SRGAP1: variants seen among roughly 807,000 people sequenced by gnomAD.
SRGAP1 encodes the protein SLIT-ROBO Rho GTPase activating protein 1, also known as SLIT-ROBO Rho GTPase-activating protein 1.
SRGAP1 carries 43 observed loss-of-function variants against 121.9 expected under a neutral mutation model. The ratio of observed to expected loss-of-function variants is 0.35; its 90% CI spans 0.28 to 0.46. The LOEUF (loss-of-function observed/expected upper bound fraction) is 0.46. SRGAP1 is among the 20% of genes least tolerant of loss of function. The pLI, the probability that SRGAP1 is intolerant of heterozygous loss-of-function variation, is 1.00. For synonymous variants in SRGAP1, 447 were observed against 485.4 expected, an observed-to-expected ratio of 0.92 and a Z score of 1.04; for missense variants, 1,102 against 1,350.9, an observed-to-expected ratio of 0.82 and a Z score of 2.89.
At chr12:63,866,520 G>A (rs1313012296) in intron 1 of SRGAP1, among the ~76,000 whole-genome samples, 2 of 152,244 alleles carry the variant, frequency 1.3e-5, no homozygotes. Context: ...TTAAAATGAT[G>A]TATAACATAA....
chr12:64,029,002 C>T (rs2136484116), intron 4 of SRGAP1, among the ~76,000 whole-genome samples: 1 of 152,254 alleles, frequency 6.6e-6, no homozygotes, highest in East Asian at 1.9e-4. Context: ...AGGTAATACT[C>T]TTATTCCCAG....
chr12:63,925,161 G>T (rs1348407000), intron 1 of SRGAP1, among the ~76,000 whole-genome samples: 1 of 152,136 alleles, frequency 6.6e-6, no homozygotes, highest in Non-Finnish European at 1.5e-5. Context: ...TGAAGAAGTG[G>T]CCTGCCTTCT....
intron 3 of SRGAP1, among the ~76,000 whole-genome samples, chr12:64,012,379 TAGA>T (rs1322525644): frequency 6.6e-6 from 1 of 152,026 alleles, no homozygotes; most frequent in Non-Finnish European, 1.5e-5. Flanking sequence ...ATTAGAATAT[TAGA>T]AGTTTTACCA....
chr12:64,141,288 AAAG>A (rs1366092735), intron 21 of SRGAP1, among the ~76,000 whole-genome samples: 3 of 29,932 alleles, frequency 1.0e-4, no homozygotes, highest in African/African-American at 4.7e-4. Flanking sequence ...AAAAAAAAAA[AAAG>A]AAAAACTTGG....
chr12:64,023,256 T>C (rs1176917922), intron 4 of SRGAP1, among the ~76,000 whole-genome samples: 1 of 146,984 alleles, frequency 6.8e-6, no homozygotes, highest in Non-Finnish European at 1.5e-5. Context: ...GAAACTACGT[T>C]GATAGTAAAT....
At chr12:63,886,107 C>G (rs1329857981) in intron 1 of SRGAP1, among the ~76,000 whole-genome samples, 8 of 152,308 alleles carry the variant, frequency 5.3e-5, no homozygotes, top group African/African-American at 1.9e-4. Flanking sequence ...GCTGCCCAGG[C>G]TGGAGTGCAG....
At chr12:63,897,295 G>T (rs899577256) in intron 1 of SRGAP1, among the ~76,000 whole-genome samples, 1 of 152,156 alleles carries the variant, frequency 6.6e-6, no homozygotes, top group African/African-American at 2.4e-5. Flanking sequence ...CTTTTGTTTG[G>T]AAATTAGCTT....
At chr12:63,879,576 A>G (rs1047864110) in intron 1 of SRGAP1, 2 of 152,154 alleles carry the variant, frequency 1.3e-5, no homozygotes, top group Non-Finnish European at 2.9e-5. Context: ...ATTTCTCTGT[A>G]TTTCTTTGGG....
At chr12:63,960,176 A>G (rs1307134661) in intron 1 of SRGAP1, among the ~76,000 whole-genome samples, 3 of 152,232 alleles carry the variant, frequency 2.0e-5, no homozygotes, top group South Asian at 2.1e-4. Flanking sequence ...GGTGACATCA[A>G]TAGGAAAATG....
chr12:64,139,251 G>C (rs992554182), intron 21 of SRGAP1, among the ~76,000 whole-genome samples: 1 of 152,184 alleles, frequency 6.6e-6, no homozygotes, highest in African/African-American at 2.4e-5. Flanking sequence ...ATAGGAGACA[G>C]TACCACTTTC....
chr12:63,940,182 G>A (rs546306009), intron 1 of SRGAP1, among the ~76,000 whole-genome samples: 12 of 151,716 alleles, frequency 7.9e-5, no homozygotes, highest in East Asian at 7.8e-4. Context: ...GGCTGGTCTC[G>A]AACTCCTGAG....
intron 15 of SRGAP1, among the ~76,000 whole-genome samples, chr12:64,106,104 C>T (rs919188695): frequency 7.2e-5 from 11 of 152,134 alleles, no homozygotes; most frequent in Admixed American, 2.6e-4. Context: ...ACTGGAGCTT[C>T]GAACTCCTGG....
chr12:63,966,094 AC>A (rs1254924588), intron 1 of SRGAP1, among the ~76,000 whole-genome samples: 1 of 152,258 alleles, frequency 6.6e-6, no homozygotes, highest in Non-Finnish European at 1.5e-5. Context: ...TGCTGGGATT[AC>A]AGGCATGAGA....
intron 1 of SRGAP1, among the ~76,000 whole-genome samples, chr12:63,904,164 C>T (rs1323717634): frequency 6.7e-6 from 1 of 148,200 alleles, no homozygotes; most frequent in Non-Finnish European, 1.5e-5. Context: ...TTTGTTTGTA[C>T]ACCAACAACT....
chr12:64,007,929 A>C (rs1454789884), intron 3 of SRGAP1, among the ~76,000 whole-genome samples: 1 of 152,216 alleles, frequency 6.6e-6, no homozygotes, highest in African/African-American at 2.4e-5. Context: ...TTCTGATTTG[A>C]AAGTTTATAT....
intron 6 of SRGAP1, among the ~76,000 whole-genome samples, chr12:64,058,922 A>G (rs2035396014): frequency 6.6e-6 from 1 of 152,150 alleles, no homozygotes; most frequent in African/African-American, 2.4e-5. Flanking sequence ...TGAAAAACCT[A>G]GAGTGTAGAA....
chr12:63,934,361 G>C (rs1592958793), intron 1 of SRGAP1, among the ~76,000 whole-genome samples: 1 of 152,108 alleles, frequency 6.6e-6, no homozygotes, highest in African/African-American at 2.4e-5. Flanking sequence ...GGCCTCCCAA[G>C]AGAGATGGCT....
intron 1 of SRGAP1, among the ~76,000 whole-genome samples, chr12:63,964,101 A>T (rs1274116563): frequency 2.6e-5 from 4 of 152,112 alleles, no homozygotes; most frequent in African/African-American, 9.7e-5. Context: ...TTCAGCACCC[A>T]GCTTCAGCTA....
intron 1 of SRGAP1, among the ~76,000 whole-genome samples, chr12:63,960,118 A>G (rs58972421): frequency 0.024 from 3,592 of 152,270 alleles, 146 homozygotes; most frequent in African/African-American, 0.081. Flanking sequence ...CAACACCCAC[A>G]TTGTGGAAAA....
Sources: gnomAD v4.1 joint callset for allele counts (sites outside exome capture counted in the v4.1 genomes callset) on GRCh38, gnomAD v4.1.1 for gene constraint, MANE v1.5 for transcripts, NCBI Gene and HGNC (gene_info 2026-07-23, HGNC 2026-07-21) for gene names.